MYO3A: variants seen among roughly 807,000 people sequenced by gnomAD.
The protein encoded by MYO3A is myosin IIIA.
In MYO3A, 180 loss-of-function variants were observed where a neutral mutation model predicts 192.7. That is an observed-to-expected ratio of 0.93 (90% CI 0.83 to 1.06). The LOEUF (loss-of-function observed/expected upper bound fraction) is 1.06. Among genes scored for constraint, MYO3A ranks in the 50% least tolerant of loss-of-function variants. MYO3A has a pLI of 0.00. For synonymous variants in MYO3A, 628 were observed against 645.3 expected (o/e 0.97, Z 0.41); for missense variants, 1,896 against 1,905.0 (o/e 1.00, Z 0.09).
chr10:26,140,039 C>A (rs932449597), intron 20 of MYO3A, among the ~76,000 whole-genome samples: 8 of 152,042 alleles, frequency 5.3e-5, no homozygotes, highest in Non-Finnish European at 4.4e-5. Flanking sequence ...GGAGAGTGAC[C>A]AGTTAAGGAA....
At chr10:26,027,357 T>C (rs920370598) in intron 10 of MYO3A, among the ~76,000 whole-genome samples, 1 of 152,166 alleles carries the variant, frequency 6.6e-6, no homozygotes, top group East Asian at 1.9e-4. Context: ...CTTTTTTGTT[T>C]TTTTTGAGAC....
chr10:26,103,196 G>A (rs573095492), intron 17 of MYO3A, among the ~76,000 whole-genome samples: 1 of 152,342 alleles, frequency 6.6e-6, no homozygotes, highest in East Asian at 1.9e-4. Context: ...GCCATGTGTG[G>A]GATATAATCT....
In MYO3A at chr10:25,987,041, C is replaced by A. The variant is rs1017003683; in HGVS notation, c.304-9449C>A. 2.6e-5 allele frequency among the ~76,000 whole-genome samples: 4 copies of A among 152,224 alleles called. No individual in the cohort carries two copies. In the East Asian group the frequency reaches 5.8e-4, roughly 22 times the overall value. On this transcript the variant is annotated intron_variant, in intron 4 of 34. Transcript: ENST00000642920. ...TAGACCAACGGAACAGAAGAGAGAA[C>A]CTAGAAATAAAGCCAAATACTTACA...
At chr10:26,171,828 C>G (rs1406895427) in intron 29 of MYO3A, among the ~76,000 whole-genome samples, 1 of 152,142 alleles carries the variant, frequency 6.6e-6, no homozygotes, top group Non-Finnish European at 1.5e-5. Flanking sequence ...TGTACTACTT[C>G]TAGAAATTAC....
At chr10:26,021,418 A>G in intron 7 of MYO3A, 85 bp from the exon 8 acceptor site, 3 of 1,505,010 alleles carry the variant, frequency 2.0e-6, no homozygotes, top group Non-Finnish European at 2.8e-6. Context: ...ACCAGTTTAA[A>G]TACTTAATGC....
chr10:26,152,398 G>T (rs1840846511), intron 23 of MYO3A, among the ~76,000 whole-genome samples: 1 of 152,106 alleles, frequency 6.6e-6, no homozygotes, highest in East Asian at 1.9e-4. Flanking sequence ...CTTTCCCAAG[G>T]TTTCCCAATG....
intron 23 of MYO3A, among the ~76,000 whole-genome samples, chr10:26,148,258 G>A (rs1013164554): frequency 5.9e-5 from 9 of 152,098 alleles, no homozygotes; most frequent in Non-Finnish European, 1.3e-4. Context: ...ATTTGTTGAA[G>A]AGATTGTTCT....
At chr10:26,077,937 A>G (rs916690549) in intron 14 of MYO3A, among the ~76,000 whole-genome samples, 8 of 152,004 alleles carry the variant, frequency 5.3e-5, no homozygotes, top group Non-Finnish European at 1.0e-4. Flanking sequence ...TTGTTCATCA[A>G]GGATATAGGT....
intron 2 of MYO3A, among the ~76,000 whole-genome samples, chr10:25,938,810 A>AT (rs1836286391): frequency 6.6e-6 from 1 of 152,176 alleles, no homozygotes; most frequent in Admixed American, 6.5e-5. Context: ...TTCTGCATGT[A>AT]TTTTGGAAAG....
chr10:26,002,684 G>GGACCAGATA (rs1840914334), intron 6 of MYO3A, among the ~76,000 whole-genome samples: 1 of 126,946 alleles, frequency 7.9e-6, no homozygotes, highest in African/African-American at 3.9e-5. Context: ...TGGAGCAGGT[G>GGACCAGATA]ATTGAAATGA....
At chr10:26,195,342 C>T (rs1843356146) in intron 32 of MYO3A, among the ~76,000 whole-genome samples, 1 of 152,230 alleles carries the variant, frequency 6.6e-6, no homozygotes, top group Non-Finnish European at 1.5e-5. Flanking sequence ...CTAATACCCT[C>T]TTCCAGGCCA....
At chr10:25,981,050 TC>T (rs1839299041) in intron 4 of MYO3A, among the ~76,000 whole-genome samples, 1 of 152,192 alleles carries the variant, frequency 6.6e-6, no homozygotes, top group African/African-American at 2.4e-5. Context: ...TTTCATTATC[TC>T]CACTTTTGCC....
intron 20 of MYO3A, among the ~76,000 whole-genome samples, chr10:26,130,419 G>A (rs1024354172): frequency 6.6e-6 from 1 of 152,118 alleles, no homozygotes; most frequent in Non-Finnish European, 1.5e-5. Flanking sequence ...CCTACAAGTT[G>A]CTTTGATTGC....
chr10:26,208,586 A>G (rs560019176), intron 34 of MYO3A, among the ~76,000 whole-genome samples: 2 of 152,322 alleles, frequency 1.3e-5, no homozygotes, highest in African/African-American at 4.8e-5. Context: ...ATATTCTTAA[A>G]ACAGAAATAA....
At chr10:25,942,892 T>A (rs1416919469) in intron 2 of MYO3A, among the ~76,000 whole-genome samples, 1 of 152,036 alleles carries the variant, frequency 6.6e-6, no homozygotes, top group African/African-American at 2.4e-5. Flanking sequence ...AAGATTGTCT[T>A]TTCACTCTGT....
At chr10:26,135,684 CA>C (rs1342201039) in intron 20 of MYO3A, among the ~76,000 whole-genome samples, 38 of 152,038 alleles carry the variant, frequency 2.5e-4, no homozygotes, top group Admixed American at 1.4e-3. Flanking sequence ...TCCTAAAGAA[CA>C]GAAACTCGAC....
intron 14 of MYO3A, among the ~76,000 whole-genome samples, chr10:26,076,483 A>C (rs543492124): frequency 1.3e-5 from 2 of 151,986 alleles, no homozygotes; most frequent in South Asian, 2.1e-4. Context: ...TCCTTTTGCC[A>C]TGCAAAAGCT....
At chr10:26,050,341 A>C (rs945200770) in intron 10 of MYO3A, among the ~76,000 whole-genome samples, 4 of 152,194 alleles carry the variant, frequency 2.6e-5, no homozygotes, top group African/African-American at 9.7e-5. Context: ...CATGCCATTT[A>C]ATGATTCTTG....
chr10:26,107,852 A>C (rs1057380643), intron 17 of MYO3A, among the ~76,000 whole-genome samples: 4 of 152,174 alleles, frequency 2.6e-5, no homozygotes, highest in Non-Finnish European at 4.4e-5. Context: ...GGATGCATTT[A>C]CCCATCCGAT....
Sources: gnomAD v4.1 joint callset for allele counts (sites outside exome capture counted in the v4.1 genomes callset) on GRCh38, gnomAD v4.1.1 for gene constraint, MANE v1.5 for transcripts, NCBI Gene and HGNC (gene_info 2026-07-23, HGNC 2026-07-21) for gene names.